The following APBA2 variants were observed in gnomAD, a reference collection of about 807,000 sequenced individuals.
The protein encoded by APBA2 is amyloid beta precursor protein binding family A member 2, also known as amyloid-beta A4 precursor protein-binding family A member 2.
A neutral mutation model predicts 75.0 loss-of-function variants in APBA2; 30 were observed. That is an observed-to-expected ratio of 0.40 (90% CI 0.30 to 0.54). The LOEUF (loss-of-function observed/expected upper bound fraction) is 0.54, where lower values mean the gene tolerates loss of function less well. Among genes scored for constraint, APBA2 ranks in the 20% least tolerant of loss-of-function variants. The pLI, the probability that APBA2 is intolerant of heterozygous loss-of-function variation, is 0.49. For synonymous variants in APBA2, 444 were observed against 409.6 expected, an observed-to-expected ratio of 1.08 and a Z score of -1.01; for missense variants, 801 against 1,016.1, an observed-to-expected ratio of 0.79 and a Z score of 2.88.
At chr15:29,060,950 C>T (rs959064596) in intron 4 of APBA2, among the ~76,000 whole-genome samples, 5 of 152,142 alleles carry the variant, frequency 3.3e-5, no homozygotes, top group African/African-American at 9.7e-5. Flanking sequence ...GCACTGGTAC[C>T]TGGCTCAGTC....
rs1028139597 is a variant in APBA2 at position 29,094,023 on chromosome 15, G to A, written c.1216-255G>A. 3.3e-5 allele frequency among the ~76,000 whole-genome samples: 5 copies of A among 152,304 alleles called. No individual in the cohort carries two copies. The East Asian group carries it at 7.7e-4, about 24-fold the overall frequency. On this transcript the variant is annotated intron_variant, in intron 7 of 14. Coordinates refer to ENST00000683413, the MANE Select transcript of APBA2 (RefSeq NM_001353788.2). ...CTGGAGCTCAGCTCCCCTTCCTGCC[G>A]GCTGATGGCATCTTTCCTGTCCTCC...
At chr15:28,983,746 G>A (rs1222836484) in intron 2 of APBA2, among the ~76,000 whole-genome samples, 3 of 152,222 alleles carry the variant, frequency 2.0e-5, no homozygotes, top group Admixed American at 2.0e-4. Flanking sequence ...ACTGGGTGGA[G>A]TACGCTCCTT....
Position 28,889,912 on chromosome 15 carries a change from C to T in APBA2, c.-205+3634C>T, listed in dbSNP as rs140816000. On this transcript the variant is annotated intron_variant, in intron 1 of 14. Coordinates refer to ENST00000683413, the MANE Select transcript of APBA2 (RefSeq NM_001353788.2). ...CACCATTCAGTGTGTTATTTATTTA[C>T]TTGTTTGTTTATTGTCAGTCTCTTA... Among the ~76,000 whole-genome samples, 465 of 152,340 alleles carry T rather than the reference C, an allele frequency of 3.1e-3. 6 individuals are homozygous for T. The highest frequency in any genetic ancestry group is 0.011 in the African/African-American group (449 of 41,562).
intron 3 of APBA2, among the ~76,000 whole-genome samples, chr15:29,015,447 C>T (rs2039610905): frequency 6.6e-6 from 1 of 152,190 alleles, no homozygotes. Context: ...GGGGCAGCTC[C>T]TCTCCTGTCT....
chr15:29,067,255 T>C (rs1157637646), intron 4 of APBA2, among the ~76,000 whole-genome samples: 1 of 152,106 alleles, frequency 6.6e-6, no homozygotes, highest in Non-Finnish European at 1.5e-5. Context: ...CAGGGACAAA[T>C]ATCCAAACTA....
rs150660870 is a variant in APBA2, at chr15:29,052,433, C to T, written c.-40-1412C>T. Among the ~76,000 whole-genome samples the T allele has an allele frequency of 9.6e-3, 1,302 of 136,160 alleles. 29 individuals carry two copies. The highest frequency in any genetic ancestry group is 0.04 in the African/African-American group (1,247 of 31,414). The allele number at this position is 136,160 out of a possible 152,430, so 89.3% of individuals were successfully genotyped here. A position where few individuals can be genotyped will look rare whatever the true frequency, so the allele number is the denominator to read the frequency against. On this transcript the variant is annotated intron_variant, in intron 3 of 14. Coordinates refer to ENST00000683413, the MANE Select transcript of APBA2 (RefSeq NM_001353788.2). ...TGGTGCCACTGCACTCCATCCTGGG[C>T]GACAGAGCGAGACTCCATCTCAAAA...
At position 28,911,522 on chromosome 15, in the gene APBA2, C is replaced by T. The variant is rs1193832648; in HGVS notation, c.-204-10118C>T. On this transcript the variant is annotated intron_variant, in intron 1 of 14. Transcript: ENST00000683413. ...TCAGGGGTTGTGGAGGGAATTAATG[C>T]ACTTCCTTTTGTCCCCCAATCTCAT... Among the ~76,000 whole-genome samples the T allele has an allele frequency of 4.6e-5, 7 of 152,326 alleles. No individual in the cohort carries two copies. In the East Asian group the frequency reaches 1.4e-3, roughly 29 times the overall value.
At chr15:29,088,126 T>C (rs1566991946) in intron 6 of APBA2, among the ~76,000 whole-genome samples, 1 of 152,172 alleles carries the variant, frequency 6.6e-6, no homozygotes, top group Non-Finnish European at 1.5e-5. Flanking sequence ...ACTGACTTCC[T>C]TGACACTGTG....
At chr15:29,006,983 G>A (rs560105038) in intron 3 of APBA2, among the ~76,000 whole-genome samples, 9 of 152,266 alleles carry the variant, frequency 5.9e-5, no homozygotes, top group African/African-American at 2.2e-4. Context: ...CAAAGTTGGC[G>A]ATCTCACACT....
chr15:29,044,256 A>G (rs2041194129), intron 3 of APBA2: 1 of 152,210 alleles, frequency 6.6e-6, no homozygotes. Context: ...GAATAAGGAC[A>G]CTGGAGCTCT....
At chr15:29,106,520 C>G in intron 11 of APBA2, 87 bp from the exon 12 acceptor site, 3 of 1,444,384 alleles carry the variant, frequency 2.1e-6, no homozygotes, top group Non-Finnish European at 2.9e-6. Flanking sequence ...TGTGCCAGGA[C>G]AGGGTCAGCC....
intron 2 of APBA2, among the ~76,000 whole-genome samples, chr15:28,944,731 C>T (rs2035444939): frequency 6.6e-6 from 1 of 152,356 alleles, no homozygotes; most frequent in South Asian, 2.1e-4. Context: ...AGGAAGCCTC[C>T]ACTTCAGACT....
At chr15:29,041,875 A>G (rs754997008) in intron 3 of APBA2, among the ~76,000 whole-genome samples, 10 of 152,234 alleles carry the variant, frequency 6.6e-5, no homozygotes, top group Non-Finnish European at 1.0e-4. Context: ...AGAAGATGAA[A>G]AACAAGGGAA....
intron 2 of APBA2, among the ~76,000 whole-genome samples, chr15:28,957,631 C>G (rs530060431): frequency 6.6e-6 from 1 of 152,126 alleles, no homozygotes; most frequent in East Asian, 1.9e-4. Flanking sequence ...GTTTGGATGG[C>G]GTTTTCCTGA....
intron 3 of APBA2, among the ~76,000 whole-genome samples, chr15:29,020,023 G>A (rs971694902): frequency 2.0e-5 from 3 of 152,206 alleles, no homozygotes; most frequent in Non-Finnish European, 2.9e-5. Context: ...TGGATTATTT[G>A]TGAAGTCAAG....
chr15:28,945,080 C>A (rs760073318), intron 2 of APBA2, among the ~76,000 whole-genome samples: 69 of 152,240 alleles, frequency 4.5e-4, no homozygotes, highest in Non-Finnish European at 7.5e-4. Context: ...ACACCACAGC[C>A]ACACAGGAGG....
intron 3 of APBA2, among the ~76,000 whole-genome samples, chr15:28,998,027 T>C (rs2038626615): frequency 6.6e-6 from 1 of 152,194 alleles, no homozygotes; most frequent in Admixed American, 6.5e-5. Context: ...TGAGGAGATC[T>C]GTAAAGAGAA....
intron 3 of APBA2, among the ~76,000 whole-genome samples, chr15:29,047,745 G>A (rs1183986584): frequency 6.6e-6 from 1 of 152,148 alleles, no homozygotes; most frequent in Non-Finnish European, 1.5e-5. Context: ...ACTTCTGAAA[G>A]TGACATCATT....
In APBA2 at chr15:29,098,654, C is replaced by T. The variant is rs540368091; in HGVS notation, c.1338+78C>T. The T allele has an allele frequency of 6.9e-5, 82 of 1,189,972 alleles. No homozygotes were observed. The African/African-American group carries it at 1.1e-3, about 16-fold the overall frequency. 73.7% of individuals were successfully genotyped at this position (1,189,972 alleles called of 1,614,324 possible). On this transcript the variant is annotated intron_variant, in intron 9 of 14. Transcript: ENST00000683413. ...CTTCTTGTCCCATGGTATAGGCCCT[C>T]GTTCTCAGCAGCTTCTCTCCTGTGC...
Sources: allele counts gnomAD v4.1 joint callset (sites outside exome capture counted in the v4.1 genomes callset), GRCh38; gene constraint gnomAD v4.1.1; transcripts MANE v1.5; gene names NCBI Gene and HGNC (gene_info 2026-07-23, HGNC 2026-07-21).